ME3: variants seen among roughly 807,000 people sequenced by gnomAD.
ME3 encodes malic enzyme 3, also known as NADP-dependent malic enzyme, mitochondrial.
Under a neutral mutation model 68.9 loss-of-function variants are expected in ME3, and 48 were observed. The ratio of observed to expected loss-of-function variants is 0.70; its 90% confidence interval spans 0.55 to 0.89. The LOEUF is 0.89. Among genes scored for constraint, ME3 ranks in the 40% least tolerant of loss-of-function variants. The pLI, the probability that ME3 is intolerant of heterozygous loss-of-function variation, is 0.00. For synonymous variants in ME3, 320 were observed against 318.8 expected, an observed-to-expected ratio of 1.00 and a Z score of -0.04; for missense variants, 675 against 797.4, an observed-to-expected ratio of 0.85 and a Z score of 1.85.
intron 2 of ME3, among the ~76,000 whole-genome samples, chr11:86,597,462 C>A (rs752056767): frequency 7.2e-5 from 11 of 152,206 alleles, no homozygotes; most frequent in Non-Finnish European, 1.3e-4. Context: ...GACAACCACA[C>A]ATCTTGTTGT....
At chr11:86,456,454 G>A (rs1483404217) in intron 8 of ME3, among the ~76,000 whole-genome samples, 2 of 152,172 alleles carry the variant, frequency 1.3e-5, no homozygotes, top group South Asian at 4.1e-4. Flanking sequence ...GCATTTAACA[G>A]TTGTACAGAT....
At chr11:86,592,311 A>G (rs956008017) in intron 2 of ME3, among the ~76,000 whole-genome samples, 1 of 152,176 alleles carries the variant, frequency 6.6e-6, no homozygotes, top group Non-Finnish European at 1.5e-5. Context: ...CCAATAACTC[A>G]GCTCTCACCA....
rs140659846 is a variant in ME3, at chr11:86,452,189, G to A, written c.920-1791C>T. Among the ~76,000 whole-genome samples the A allele has an allele frequency of 6.4e-3, 973 of 152,260 alleles. 8 individuals are homozygous for A. The highest frequency in any genetic ancestry group is 0.023 in the African/African-American group (936 of 41,558). On this transcript the variant is annotated intron_variant, in intron 8 of 14. Transcript: ENST00000543262. ...TAATTTTGTGCTCTACTGGATTGGA[G>A]GTCTTAGTTGCCAAGAAGGAAATAC...
rs140687266 is a variant in ME3 at position 86,447,122 on chromosome 11, C to T, written c.1323G>A (p.Leu441=). ...ACTCGGCCTTGCTGGTGGGGTTGCT[C>T]AGGGCAAAGATGATAGGGCGCTCGT... is the stretch of plus-strand genomic sequence containing the variant. The change falls in exon 12 of 15, where the codon CTG becomes CTA. Residue 441 remains leucine (L), a synonymous_variant. Coordinates refer to ENST00000543262, the Ensembl canonical transcript of ME3. 26 of 1,614,076 alleles carry T rather than the reference C, an allele frequency of 1.6e-5. No individual in the cohort carries two copies. The African/African-American group carries it at 3.3e-4, about 21-fold the overall frequency.
chr11:86,614,925 T>C (rs115429998), intron 2 of ME3, among the ~76,000 whole-genome samples: 151 of 152,330 alleles, frequency 9.9e-4, no homozygotes, highest in African/African-American at 3.4e-3. Flanking sequence ...AGCTTTTTGA[T>C]AAAATGTACT....
At chr11:86,468,676 G>A (rs75762880) in intron 7 of ME3, among the ~76,000 whole-genome samples, 23 of 152,216 alleles carry the variant, frequency 1.5e-4, no homozygotes, top group South Asian at 1.2e-3. Context: ...ATAAAAAAAT[G>A]TTTCTCAATT....
At chr11:86,464,594 T>C (rs1950383260) in intron 8 of ME3, among the ~76,000 whole-genome samples, 1 of 152,240 alleles carries the variant, frequency 6.6e-6, no homozygotes, top group Non-Finnish European at 1.5e-5. Context: ...GCCTTGTATT[T>C]GGAAAGTCTA....
intron 2 of ME3, among the ~76,000 whole-genome samples, chr11:86,660,683 C>T (rs982474919): frequency 6.6e-6 from 1 of 152,094 alleles, no homozygotes; most frequent in Admixed American, 6.6e-5. Context: ...GACTACTTTC[C>T]TTTACTCCCC....
chr11:86,437,506 C>T (rs186828577), downstream of ME3, among the ~76,000 whole-genome samples: 36 of 151,622 alleles, frequency 2.4e-4, no homozygotes, highest in East Asian at 6.8e-3. Context: ...CACCAAAAAA[C>T]CCTACAATGG....
intron 4 of ME3, among the ~76,000 whole-genome samples, chr11:86,517,540 G>A (rs1409268793): frequency 3.9e-5 from 6 of 152,050 alleles, no homozygotes; most frequent in African/African-American, 1.4e-4. Context: ...CCAACCTGTC[G>A]ACATGTTGGA....
intron 11 of ME3, among the ~76,000 whole-genome samples, 189 bp downstream of exon 11, chr11:86,447,961 G>A (rs1949415191): frequency 6.6e-6 from 1 of 151,862 alleles, no homozygotes; most frequent in African/African-American, 2.4e-5. Context: ...CCCTAAATCT[G>A]GTGCCTTAGT....
intron 2 of ME3, among the ~76,000 whole-genome samples, chr11:86,575,979 C>T (rs532165831): frequency 1.3e-5 from 2 of 152,300 alleles, no homozygotes; most frequent in African/African-American, 2.4e-5. Flanking sequence ...TGAAAGTCTG[C>T]AACTTCTAGT....
Position 86,497,947 on chromosome 11 carries a change from CT to C in ME3, c.705+15del. ...ACCTTTTGGCCCCAGAGCTCCTGCC[CT>C]GGGCAGTGGGTTACCTCATTGTTGG... is the stretch of plus-strand genomic sequence containing the variant. On this transcript the variant is annotated intron_variant, in intron 6 of 14. Coordinates refer to ENST00000543262, the Ensembl canonical transcript of ME3. 6.3e-7 allele frequency: 1 copy of C among 1,581,828 alleles called. No individual in the cohort carries two copies. The highest frequency in any genetic ancestry group is 8.6e-7 in the Non-Finnish European group (1 of 1,161,950).
chr11:86,502,230 C>CA (rs1367196376), intron 5 of ME3, among the ~76,000 whole-genome samples: 7 of 146,942 alleles, frequency 4.8e-5, no homozygotes, highest in Admixed American at 4.0e-4. Context: ...AGGAACAGTT[C>CA]AAAAAGCATT....
chr11:86,564,614 C>T (rs1164974081), intron 2 of ME3, among the ~76,000 whole-genome samples: 1 of 152,110 alleles, frequency 6.6e-6, no homozygotes, highest in Non-Finnish European at 1.5e-5. Flanking sequence ...AGAATAGTCT[C>T]TTCAAGAAAT....
intron 2 of ME3, among the ~76,000 whole-genome samples, chr11:86,613,950 T>C (rs536534788): frequency 4.6e-5 from 7 of 152,130 alleles, no homozygotes; most frequent in Non-Finnish European, 1.0e-4. Context: ...ATATTCTTCC[T>C]AGAATTAGAA....
chr11:86,658,501 T>C (rs1051764612), intron 2 of ME3, among the ~76,000 whole-genome samples: 3 of 151,998 alleles, frequency 2.0e-5, no homozygotes, highest in South Asian at 2.1e-4. Flanking sequence ...TTATATGTGA[T>C]TGTTATTATT....
chr11:86,611,560 C>T (rs1424634557), intron 2 of ME3, among the ~76,000 whole-genome samples: 1 of 135,356 alleles, frequency 7.4e-6, no homozygotes, highest in Non-Finnish European at 1.5e-5. Context: ...CATTGTACAT[C>T]TTAAATATAT....
At chr11:86,556,200 C>T (rs2139441240) in intron 4 of ME3, among the ~76,000 whole-genome samples, 1 of 152,268 alleles carries the variant, frequency 6.6e-6, no homozygotes. Context: ...CCTGAATTGG[C>T]AGGAGAGCTG....
Sources: allele counts gnomAD v4.1 joint callset (sites outside exome capture counted in the v4.1 genomes callset), GRCh38; gene constraint gnomAD v4.1.1; transcripts MANE v1.5; gene names NCBI Gene and HGNC (gene_info 2026-07-23, HGNC 2026-07-21).